Variants in ABR observed in about 807,000 individuals in gnomAD.
ABR encodes the protein ABR activator of RhoGEF and GTPase.
A neutral mutation model predicts 107.2 loss-of-function variants in ABR; 35 were observed. The ratio of observed to expected loss-of-function variants is 0.33; its 90% CI spans 0.25 to 0.43. The LOEUF (loss-of-function observed/expected upper bound fraction) is 0.43, where lower values mean the gene tolerates loss of function less well. Among genes scored for constraint, ABR ranks in the 20% least tolerant of loss-of-function variants. The pLI is 1.00. For synonymous variants in ABR, 498 were observed against 462.0 expected, an observed-to-expected ratio of 1.08 and a Z score of -1.00; for missense variants, 815 against 1,115.2, an observed-to-expected ratio of 0.73 and a Z score of 3.83.
chr17:1,059,124 T>C (rs753495825), intron 10 of ABR, among the ~76,000 whole-genome samples: 24 of 152,100 alleles, frequency 1.6e-4, no homozygotes, highest in Non-Finnish European at 3.1e-4. Flanking sequence ...CCAGAGCCCA[T>C]GTCCCCAACC....
At chr17:1,094,030 T>C (rs371331794) in intron 3 of ABR, among the ~76,000 whole-genome samples, 3 of 136,662 alleles carry the variant, frequency 2.2e-5, no homozygotes, top group African/African-American at 9.5e-5. Flanking sequence ...TGTGCTAGAA[T>C]CAATGGCCCC....
intron 1 of ABR, among the ~76,000 whole-genome samples, chr17:1,194,998 C>G (rs990178085): frequency 6.7e-5 from 10 of 149,350 alleles, no homozygotes; most frequent in African/African-American, 2.5e-4. Context: ...ACTATGTTGC[C>G]CAGGCTGCTC....
At chr17:1,058,514 C>A (rs1433297583) in intron 11 of ABR, among the ~76,000 whole-genome samples, 1 of 152,180 alleles carries the variant, frequency 6.6e-6, no homozygotes, top group Admixed American at 6.5e-5. Flanking sequence ...GAAGGGGGAG[C>A]TCCTTCCTGG....
rs183552656 is a variant in ABR at position 1,166,766 on chromosome 17, G to A, written c.61+12901C>T. On this transcript the variant is annotated intron_variant, in intron 1 of 22. Coordinates refer to ENST00000302538, the MANE Select transcript of ABR (RefSeq NM_021962.5). ...TGTAATCCCAGCACTTTGGGAGGCC[G>A]AGGCGGGCGGATCACCTGAGGTCAG... 9.9e-3 allele frequency among the ~76,000 whole-genome samples: 1,503 copies of A among 152,282 alleles called. 23 individuals carry two copies. The highest frequency in any genetic ancestry group is 0.031 in the Middle Eastern group (9 of 294).
At chr17:1,134,212 A>C (rs2039961430) in intron 1 of ABR, among the ~76,000 whole-genome samples, 1 of 152,150 alleles carries the variant, frequency 6.6e-6, no homozygotes, top group Admixed American at 6.5e-5. Context: ...CAGAAGTTTG[A>C]GACCAGCCTG....
At chr17:1,184,580 C>G (rs2042234309), upstream of ABR, among the ~76,000 whole-genome samples, 1 of 152,200 alleles carries the variant, frequency 6.6e-6, no homozygotes, top group Admixed American at 6.5e-5. Context: ...GCCTCCAGAT[C>G]AGCTTTCTGC....
chr17:1,170,061 C>T (rs993422991), intron 1 of ABR, among the ~76,000 whole-genome samples: 2 of 151,698 alleles, frequency 1.3e-5, no homozygotes, highest in Admixed American at 6.6e-5. Context: ...GCCAATAATT[C>T]CAGGAACACA....
At chr17:1,115,552 G>T in intron 2 of ABR, 1 of 152,660 alleles carries the variant, frequency 6.6e-6, no homozygotes, top group Non-Finnish European at 1.5e-5. Context: ...TCACCTTCCA[G>T]ATCACCTTGC....
chr17:1,012,813 G>A lies in ABR; in HGVS notation c.1852-16C>T, dbSNP rs201373143. ...CCACTTTGATCTGGTTGGGGGGTGA[G>A]GCAGGTAAAGATTCCCCAGGGTGTG... is the stretch of plus-strand genomic sequence containing the variant. On this transcript the variant is annotated splice_polypyrimidine_tract_variant and intron_variant, in intron 17 of 22. Coordinates refer to ENST00000302538, the MANE Select transcript of ABR (RefSeq NM_021962.5). 32 of 1,555,830 alleles carry A rather than the reference G, an allele frequency of 2.1e-5. No homozygotes were observed. The African/African-American group carries it at 3.2e-4, about 16-fold the overall frequency.
intron 7 of ABR, among the ~76,000 whole-genome samples, chr17:1,072,955 G>C (rs1402098889): frequency 2.0e-5 from 3 of 152,142 alleles, no homozygotes; most frequent in East Asian, 1.9e-4. Flanking sequence ...CCGAGGCGGG[G>C]GATCTCTTGA....
chr17:1,203,517 G>A (rs1268733054), intron 1 of ABR, among the ~76,000 whole-genome samples: 8 of 132,358 alleles, frequency 6.0e-5, no homozygotes, highest in African/African-American at 2.1e-4. Flanking sequence ...GGGGGCGGGG[G>A]CCGCAGGTCC....
At chr17:1,096,286 T>C (rs1227560043) in intron 3 of ABR, among the ~76,000 whole-genome samples, 1 of 151,826 alleles carries the variant, frequency 6.6e-6, no homozygotes, top group Admixed American at 6.6e-5. Context: ...ACCCAGCCCT[T>C]TGCATATCAG....
At chr17:1,193,691 T>C (rs562797412) in intron 1 of ABR, among the ~76,000 whole-genome samples, 2 of 152,170 alleles carry the variant, frequency 1.3e-5, no homozygotes, top group East Asian at 3.9e-4. Flanking sequence ...TGTTTGTGTG[T>C]TTTTATGTTT....
At chr17:1,192,349 T>C (rs1485147984) in intron 1 of ABR, among the ~76,000 whole-genome samples, 1 of 152,070 alleles carries the variant, frequency 6.6e-6, no homozygotes, top group Non-Finnish European at 1.5e-5. Flanking sequence ...TTTCCCAGGC[T>C]GCTTATGATA....
chr17:1,058,017 T>A lies in ABR; in HGVS notation c.1334A>T (p.Tyr445Phe). The A allele has an allele frequency of 6.2e-7, 1 of 1,613,932 alleles. No individual in the cohort carries two copies. The highest frequency in any genetic ancestry group is 1.1e-5 in the South Asian group (1 of 91,080). ...TGCTTCTCTCCACTCTGACCTCTCG[T>A]AGTCCGAGGACAGTAGGAACAGGTA... ...KSYLFLLSSD[Y>F]ERSEWREAIQ... The change falls in exon 12 of 23, where the codon TAC becomes TTC. Residue 445 changes from tyrosine to phenylalanine, a missense_variant. By Grantham distance (22) the Tyr-to-Phe change is conservative (BLOSUM62 3). Around this residue, in one of 5 missense-constraint regions of ABR, gnomAD observed 385 missense variants for 596.9 expected, o/e 0.64. Transcript: ENST00000302538.
chr17:1,033,128 A>G (rs1388057117), intron 16 of ABR, among the ~76,000 whole-genome samples: 1 of 152,188 alleles, frequency 6.6e-6, no homozygotes, highest in Non-Finnish European at 1.5e-5. Context: ...GATTCAGGAA[A>G]AAGAGCTGGG....
At chr17:1,187,355 T>TG (rs2042326511), upstream of ABR, 1 of 152,164 alleles carries the variant, frequency 6.6e-6, no homozygotes. Context: ...CGGCAGAGAG[T>TG]GGGGGCTCCC....
At chr17:1,072,783 G>A (rs1346877586) in intron 7 of ABR, 29 bp from the exon 8 acceptor site, 7 of 1,607,568 alleles carry the variant, frequency 4.4e-6, no homozygotes, top group South Asian at 1.1e-5. Context: ...TGAGTTGAGG[G>A]GAGCGGCTCT....
At chr17:1,076,242 C>G (rs2035697965) in intron 6 of ABR, among the ~76,000 whole-genome samples, 1 of 152,136 alleles carries the variant, frequency 6.6e-6, no homozygotes, top group Admixed American at 6.6e-5. Flanking sequence ...TATCTGTAGC[C>G]CTTTCTTATC....
Sources: allele counts gnomAD v4.1 joint callset (sites outside exome capture counted in the v4.1 genomes callset), GRCh38; gene constraint gnomAD v4.1.1; regional missense constraint gnomAD v4.1.1; transcripts MANE v1.5; gene names NCBI Gene and HGNC (gene_info 2026-07-23, HGNC 2026-07-21).